Variants in ARAP2 observed in about 807,000 individuals in gnomAD.
The protein encoded by ARAP2 is arf-GAP with Rho-GAP domain, ANK repeat and PH domain-containing protein 2.
In ARAP2, 148 loss-of-function variants were observed where a neutral mutation model predicts 194.5. That is an observed-to-expected ratio of 0.76 (90% CI 0.67 to 0.87). The LOEUF (loss-of-function observed/expected upper bound fraction) is 0.87. Among genes scored for constraint, ARAP2 ranks in the 40% least tolerant of loss-of-function variants. ARAP2 has a pLI of 0.00. For missense variants in ARAP2, 2,128 were observed against 1,989.7 expected (o/e 1.07, Z -1.32); for synonymous variants, 695 against 683.5 (o/e 1.02, Z -0.26).
intron 5 of ARAP2, among the ~76,000 whole-genome samples, chr4:36,026,666 T>C (rs970252286): frequency 1.3e-5 from 2 of 152,192 alleles, no homozygotes; most frequent in African/African-American, 4.8e-5. Context: ...GAAAAGATAG[T>C]ACAAGGGCTG....
At chr4:36,207,762 TAAGGGGGAAAC>T (rs1234042419) in intron 6 of ARAP2, among the ~76,000 whole-genome samples, 5 of 152,116 alleles carry the variant, frequency 3.3e-5, no homozygotes, top group African/African-American at 1.2e-4. Context: ...TGCATGTCTT[TAAGGGGGAAAC>T]AATTGTTAAA....
chr4:36,191,915 T>C (rs1465611093), intron 7 of ARAP2, among the ~76,000 whole-genome samples: 1 of 152,160 alleles, frequency 6.6e-6, no homozygotes, highest in Non-Finnish European at 1.5e-5. Flanking sequence ...GAGACATGAT[T>C]GGCGGCCTCA....
At chr4:36,011,327 C>A (rs1393791876) in intron 9 of ARAP2, among the ~76,000 whole-genome samples, 1 of 152,040 alleles carries the variant, frequency 6.6e-6, no homozygotes, top group Non-Finnish European at 1.5e-5. Flanking sequence ...ATGAATTATA[C>A]AAATGTTTGA....
chr4:36,178,858 G>C (rs1738577884), intron 8 of ARAP2, among the ~76,000 whole-genome samples: 1 of 152,066 alleles, frequency 6.6e-6, no homozygotes, highest in Non-Finnish European at 1.5e-5. Context: ...TGAAACTATG[G>C]GGGTAAAAAA....
intron 16 of ARAP2, among the ~76,000 whole-genome samples, chr4:36,150,066 T>C (rs1476614296): frequency 6.6e-6 from 1 of 152,188 alleles, no homozygotes; most frequent in Non-Finnish European, 1.5e-5. Context: ...CCATAGTAGA[T>C]GTGAGTCAAA....
chr4:36,105,579 G>T (rs1718175698), intron 27 of ARAP2, among the ~76,000 whole-genome samples: 2 of 151,888 alleles, frequency 1.3e-5, no homozygotes, highest in African/African-American at 4.8e-5. Flanking sequence ...TACCCAGTTT[G>T]TGGTTACAGC....
intron 27 of ARAP2, among the ~76,000 whole-genome samples, chr4:36,101,396 G>GATTTTTT (rs61553104): frequency 6.7e-6 from 1 of 149,900 alleles, no homozygotes; most frequent in Non-Finnish European, 1.5e-5. Context: ...AAGTACCAGA[G>GATTTTTT]TTTTTTTTTT....
intron 27 of ARAP2, among the ~76,000 whole-genome samples, chr4:36,093,688 CG>C (rs1714383688): frequency 6.6e-6 from 1 of 152,006 alleles, no homozygotes; most frequent in Admixed American, 6.6e-5. Context: ...CGGTGTGTAA[CG>C]CTGAGGTTTG....
At chr4:36,072,446 G>A (rs977186927) in intron 32 of ARAP2, among the ~76,000 whole-genome samples, 3 of 152,014 alleles carry the variant, frequency 2.0e-5, no homozygotes, top group African/African-American at 7.2e-5. Flanking sequence ...ACTGGTTAAT[G>A]TATTTTGATC....
chr4:36,155,188 G>T (rs1051703287), intron 15 of ARAP2, among the ~76,000 whole-genome samples: 1 of 152,106 alleles, frequency 6.6e-6, no homozygotes, highest in South Asian at 2.1e-4. Flanking sequence ...CACTGTTTGG[G>T]GTATCAAAGA....
chr4:36,223,113 A>G (rs1749521307), intron 2 of ARAP2, among the ~76,000 whole-genome samples: 1 of 152,150 alleles, frequency 6.6e-6, no homozygotes, highest in African/African-American at 2.4e-5. Flanking sequence ...AAATCTTGTC[A>G]TATGTAAATG....
At chr4:36,176,930 C>G (rs1483130421) in intron 9 of ARAP2, among the ~76,000 whole-genome samples, 5 of 151,816 alleles carry the variant, frequency 3.3e-5, no homozygotes, top group Admixed American at 3.3e-4. Context: ...AATGATGTAT[C>G]ATAAAATGAG....
chr4:36,119,538 C>A, intron 24 of ARAP2, 112 bp downstream of exon 24: 3 of 656,058 alleles, frequency 4.6e-6, no homozygotes, highest in East Asian at 2.9e-5. Context: ...TCACTCATTA[C>A]TTTTACTTTG....
intron 1 of ARAP2, among the ~76,000 whole-genome samples, chr4:36,238,939 A>C (rs1473329437): frequency 6.6e-6 from 1 of 151,922 alleles, no homozygotes; most frequent in Non-Finnish European, 1.5e-5. Context: ...TTATGGTAAA[A>C]AACAAAAACA....
At chr4:36,111,753 T>G (rs1720050185) in intron 26 of ARAP2, among the ~76,000 whole-genome samples, 1 of 151,972 alleles carries the variant, frequency 6.6e-6, no homozygotes, top group Non-Finnish European at 1.5e-5. Context: ...AAAACAATGT[T>G]TCTTGGTATA....
chr4:36,152,181 A>C (rs1731146512), intron 15 of ARAP2, among the ~76,000 whole-genome samples: 2 of 152,218 alleles, frequency 1.3e-5, no homozygotes, highest in Non-Finnish European at 2.9e-5. Context: ...AAGTCCAATC[A>C]TAACTGGCAG....
At chr4:36,103,006 A>G (rs1359747734) in intron 27 of ARAP2, among the ~76,000 whole-genome samples, 1 of 151,836 alleles carries the variant, frequency 6.6e-6, no homozygotes, top group Non-Finnish European at 1.5e-5. Context: ...CTTTAAGAAA[A>G]CATGATGGGG....
intron 6 of ARAP2, among the ~76,000 whole-genome samples, chr4:36,202,964 T>G (rs1406465494): frequency 3.3e-5 from 5 of 152,030 alleles, no homozygotes; most frequent in African/African-American, 1.2e-4. Flanking sequence ...CCTCTGAAAA[T>G]CTCAGGAAAT....
chr4:36,129,890 G>A (rs998452225), intron 20 of ARAP2, among the ~76,000 whole-genome samples: 4 of 151,324 alleles, frequency 2.6e-5, no homozygotes, highest in African/African-American at 4.8e-5. Flanking sequence ...AAAATAACCC[G>A]AAGGAATTAA....
Sources: gnomAD v4.1 joint callset for allele counts (sites outside exome capture counted in the v4.1 genomes callset) on GRCh38, gnomAD v4.1.1 for gene constraint, MANE v1.5 for transcripts, NCBI Gene and HGNC (gene_info 2026-07-23, HGNC 2026-07-21) for gene names.